Variants in HDAC9 observed in about 807,000 individuals in gnomAD.
HDAC9 encodes the protein histone deacetylase 9, also known as MEF-2 interacting transcription repressor (MITR) protein.
Under a neutral mutation model 139.4 loss-of-function variants are expected in HDAC9, and 41 were observed. The observed-to-expected ratio is 0.29, with a 90% confidence interval of 0.23 to 0.38. HDAC9 has a LOEUF of 0.38. Ranked by LOEUF, HDAC9 falls within the 10% of genes least tolerant of loss-of-function variation. The probability of loss-of-function intolerance (pLI) is 1.00; values close to 1 mark genes in which losing one functional copy is unlikely to be tolerated. For missense variants in HDAC9, 1,147 were observed against 1,297.0 expected (o/e 0.88, Z 1.78); for synonymous variants, 517 against 476.2 (o/e 1.09, Z -1.12).
chr7:18,433,027 A>T (rs1225163105), intron 1 of HDAC9, among the ~76,000 whole-genome samples: 4 of 152,040 alleles, frequency 2.6e-5, no homozygotes, highest in African/African-American at 7.2e-5. Flanking sequence ...TTATACACAC[A>T]TCAAAAAGCT....
chr7:18,434,072 G>T (rs186073696), intron 1 of HDAC9, among the ~76,000 whole-genome samples: 6 of 152,222 alleles, frequency 3.9e-5, no homozygotes, highest in African/African-American at 1.4e-4. Flanking sequence ...CAGACACATA[G>T]ACCAACAGAA....
At chr7:18,528,246 A>G (rs1225011904) in intron 2 of HDAC9, among the ~76,000 whole-genome samples, 1 of 145,804 alleles carries the variant, frequency 6.9e-6, no homozygotes, top group African/African-American at 2.8e-5. Context: ...GAAGTTTTCC[A>G]TGAAGTATTT....
chr7:18,523,910 G>T (rs1034098517), intron 2 of HDAC9, among the ~76,000 whole-genome samples: 2 of 29,118 alleles, frequency 6.9e-5, no homozygotes, highest in Admixed American at 3.2e-4. Context: ...CCCCCTCCCC[G>T]CTCCGCCCTG....
chr7:18,909,640 A>G (rs1336883116), intron 22 of HDAC9, among the ~76,000 whole-genome samples: 1 of 151,958 alleles, frequency 6.6e-6, no homozygotes, highest in Non-Finnish European at 1.5e-5. Flanking sequence ...CTATTTATCT[A>G]TTTTTTAAAT....
intron 1 of HDAC9, among the ~76,000 whole-genome samples, chr7:18,427,614 C>A (rs1471823146): frequency 6.6e-6 from 1 of 151,724 alleles, no homozygotes; most frequent in Non-Finnish European, 1.5e-5. Flanking sequence ...TTACAGTAAC[C>A]TTCTCATTGA....
intron 1 of HDAC9, among the ~76,000 whole-genome samples, chr7:18,140,378 G>T (rs73062420): frequency 1.3e-5 from 2 of 152,140 alleles, no homozygotes; most frequent in African/African-American, 2.4e-5. Flanking sequence ...AAAAGTTATT[G>T]TACAGGGTTT....
intron 16 of HDAC9, among the ~76,000 whole-genome samples, chr7:18,767,440 A>C (rs1178721965): frequency 6.6e-6 from 1 of 152,200 alleles, no homozygotes; most frequent in African/African-American, 2.4e-5. Context: ...ACACTCATGA[A>C]GCCAGCTTTG....
chr7:18,769,485 A>T (rs1283194768), intron 16 of HDAC9, among the ~76,000 whole-genome samples: 1 of 152,036 alleles, frequency 6.6e-6, no homozygotes, highest in African/African-American at 2.4e-5. Context: ...CTGCATTGTT[A>T]GTTTGACTCC....
intron 16 of HDAC9, among the ~76,000 whole-genome samples, chr7:18,792,742 T>C (rs140225283): frequency 2.0e-5 from 3 of 152,302 alleles, no homozygotes; most frequent in Admixed American, 2.0e-4. Context: ...ATCACATTTC[T>C]CCTTGCAATT....
At chr7:18,991,453 C>T (rs58127685) in intron 25 of HDAC9, among the ~76,000 whole-genome samples, 16,574 of 152,104 alleles carry the variant, frequency 0.11, 910 homozygotes, top group South Asian at 0.14. Flanking sequence ...CTGGCTAACA[C>T]GGTGAAACCC....
intron 2 of HDAC9, among the ~76,000 whole-genome samples, chr7:18,212,637 G>A (rs1792024426): frequency 1.3e-5 from 2 of 152,136 alleles, no homozygotes; most frequent in Admixed American, 1.3e-4. Context: ...TTCTTGTTAC[G>A]ATGTATTTCC....
chr7:18,513,970 T>G (rs763219303), intron 2 of HDAC9, among the ~76,000 whole-genome samples: 1 of 152,244 alleles, frequency 6.6e-6, no homozygotes, highest in Non-Finnish European at 1.5e-5. Flanking sequence ...TTATTGCTTA[T>G]TTTGAAGCTT....
chr7:18,138,527 GGTGTGTGTGTGTGTGTGTGTGT>G (rs71014309), intron 1 of HDAC9, among the ~76,000 whole-genome samples: 1 of 142,586 alleles, frequency 7.0e-6, no homozygotes, highest in Non-Finnish European at 1.5e-5. Flanking sequence ...GAGAGAGAGA[GGTGTGTGTGTGTGTGTGTGTGT>G]GTGTGTGTGT....
chr7:18,862,557 T>A (rs538840572), intron 21 of HDAC9, among the ~76,000 whole-genome samples: 2 of 152,316 alleles, frequency 1.3e-5, no homozygotes, highest in South Asian at 4.1e-4. Flanking sequence ...GTAGAAATCA[T>A]TGCAGAATTT....
At chr7:18,349,713 A>G (rs1782706546) in intron 1 of HDAC9, among the ~76,000 whole-genome samples, 1 of 152,176 alleles carries the variant, frequency 6.6e-6, no homozygotes, top group Non-Finnish European at 1.5e-5. Context: ...TGACAAAAAA[A>G]AAAATGTGGT....
At chr7:18,820,974 C>T (rs556727501) in intron 17 of HDAC9, among the ~76,000 whole-genome samples, 1 of 152,278 alleles carries the variant, frequency 6.6e-6, no homozygotes, top group South Asian at 2.1e-4. Context: ...AATGTATTTA[C>T]TCACAGTTCT....
intron 1 of HDAC9, among the ~76,000 whole-genome samples, chr7:18,362,418 G>A (rs563439712): frequency 6.6e-5 from 10 of 152,240 alleles, no homozygotes; most frequent in African/African-American, 2.4e-4. Context: ...TGGTAACTTA[G>A]ATGATCCAGT....
At chr7:18,784,402 A>G (rs914411247) in intron 16 of HDAC9, among the ~76,000 whole-genome samples, 1 of 151,922 alleles carries the variant, frequency 6.6e-6, no homozygotes, top group African/African-American at 2.4e-5. Flanking sequence ...TTTACAACCT[A>G]GTAAACATTT....
upstream of HDAC9, among the ~76,000 whole-genome samples, chr7:18,492,957 G>A (rs549902971): frequency 6.6e-6 from 1 of 151,932 alleles, no homozygotes; most frequent in African/African-American, 2.4e-5. Context: ...AAATAAAAGA[G>A]AAGATGGCTG....
Sources: allele counts gnomAD v4.1 joint callset (sites outside exome capture counted in the v4.1 genomes callset), GRCh38; gene constraint gnomAD v4.1.1; transcripts MANE v1.5; gene names NCBI Gene and HGNC (gene_info 2026-07-23, HGNC 2026-07-21).